The following SLC30A5 variants were observed in gnomAD, a reference collection of about 807,000 sequenced individuals.
The protein encoded by SLC30A5 is proton-coupled zinc antiporter SLC30A5.
In SLC30A5, 33 loss-of-function variants were observed where a neutral mutation model predicts 79.6. The observed-to-expected ratio is 0.41, with a 90% CI of 0.31 to 0.55. SLC30A5 has a LOEUF of 0.55. Ranked by LOEUF, SLC30A5 falls within the 20% of genes least tolerant of loss-of-function variation. The pLI is 0.20. For synonymous variants in SLC30A5, 299 were observed against 319.7 expected, an observed-to-expected ratio of 0.94 and a Z score of 0.69; for missense variants, 788 against 928.1, an observed-to-expected ratio of 0.85 and a Z score of 1.96.
chr5:69,123,296 A>G lies in SLC30A5; in HGVS notation c.1869A>G (p.Pro623=). 6.2e-7 allele frequency: 1 copy of G among 1,613,748 alleles called. No individual in the cohort carries two copies. ...IEQFGWFIAD[P]LCSLFIAILI... is the part of the protein sequence containing the mutation. ...AGTTTGGATGGTTCATCGCTGACCC[A>G]CTCTGTTCTCTTTTTATTGCTATAT... Residue 623 remains proline, a synonymous_variant, in exon 14 of 16, where the codon CCA becomes CCG. Transcript: ENST00000396591.
At position 69,094,271 on chromosome 5, in the gene SLC30A5, GGC is replaced by G; in HGVS notation, c.18_19del (p.Asp8ArgfsTer32). ...GAGCCCCGGGATGGAGGAGAAATAC[GGC>G]GGGGACGTGCTGGCCGGCCCCGGCG... MEEKY[G>X]GDVLAGPGGG... On this transcript the variant is annotated frameshift_variant, in exon 1 of 16. Transcript: ENST00000396591. LOFTEE classifies it high-confidence loss of function. 7.9e-7 allele frequency: 1 copy of G among 1,260,176 alleles called. No individual in the cohort carries two copies. The highest frequency in any genetic ancestry group is 3.5e-5 in the South Asian group (1 of 28,432). The allele number at this position is 1,260,176 out of a possible 1,614,324, so 78.1% of individuals were successfully genotyped here. A position where few individuals can be genotyped will look rare whatever the true frequency, so the allele number is the denominator to read the frequency against.
intron 14 of SLC30A5, among the ~76,000 whole-genome samples, chr5:69,124,112 C>CA (rs1235473113): frequency 0.23 from 21,412 of 94,536 alleles, 2,813 homozygotes; most frequent in Middle Eastern, 0.29. Flanking sequence ...GACTCCACCT[C>CA]AAAAAAAAAA....
At chr5:69,109,952 C>T (rs1226180498) in intron 5 of SLC30A5, among the ~76,000 whole-genome samples, 2 of 152,136 alleles carry the variant, frequency 1.3e-5, no homozygotes, top group Non-Finnish European at 2.9e-5. Context: ...GACAAGCTGG[C>T]ACTGCGGGCA....
At chr5:69,114,093 G>A (rs943617645) in intron 6 of SLC30A5, among the ~76,000 whole-genome samples, 2 of 152,148 alleles carry the variant, frequency 1.3e-5, no homozygotes, top group African/African-American at 4.8e-5. Flanking sequence ...TTGTACCTTT[G>A]TCGTTCTTAA....
At chr5:69,119,215 C>T (rs1413167511) in intron 12 of SLC30A5, among the ~76,000 whole-genome samples, 1 of 151,954 alleles carries the variant, frequency 6.6e-6, no homozygotes, top group Admixed American at 6.6e-5. Flanking sequence ...CAAGATTTTG[C>T]TTATGTGAAA....
At chr5:69,098,938 C>A in intron 1 of SLC30A5, among the ~76,000 whole-genome samples, 1 of 152,140 alleles carries the variant, frequency 6.6e-6, no homozygotes, top group East Asian at 1.9e-4. Context: ...AAAATACCCA[C>A]AATTAAAGGA....
intron 12 of SLC30A5, 130 bp from the exon 13 acceptor site, chr5:69,121,564 T>C: frequency 1.6e-6 from 1 of 622,972 alleles, no homozygotes; most frequent in Non-Finnish European, 2.6e-6. Context: ...TACTGAAACT[T>C]AGTAAGGTTT....
chr5:69,116,667 G>A lies in SLC30A5; in HGVS notation c.1281+65G>A. 1 of 1,179,498 alleles carries A rather than the reference G, an allele frequency of 8.5e-7. No individual in the cohort carries two copies. The highest frequency in any genetic ancestry group is 1.1e-6 in the Non-Finnish European group (1 of 876,408). The allele number at this position is 1,179,498 out of a possible 1,614,324, so 73.1% of individuals were successfully genotyped here. On this transcript the variant is annotated intron_variant, in intron 10 of 15. Coordinates refer to ENST00000396591, the MANE Select transcript of SLC30A5 (RefSeq NM_022902.5). The surrounding 1 kb of genome is among the most constrained non-coding windows in gnomAD (Gnocchi z 4.0). ...TAATATTTTAATTTTGACAGTTCTGGTATAAGTTTAGTACTTCCCAAATTT... is the reference window on the plus strand; with the variant it reads ...TAATATTTTAATTTTGACAGTTCTGATATAAGTTTAGTACTTCCCAAATTT...
chr5:69,100,939 G>GA lies in SLC30A5; in HGVS notation c.206+10_206+11insA. On this transcript the variant is annotated intron_variant, in intron 2 of 15. Coordinates refer to ENST00000396591, the MANE Select transcript of SLC30A5 (RefSeq NM_022902.5). ...TTATATTAAAACTTGGGTGAGTGTG[G>GA]GGGGGGGTTTTTTCTTGATATTTTT... The GA allele has an allele frequency of 6.6e-7, 1 of 1,514,094 alleles. No homozygotes were observed. 93.8% of individuals were successfully genotyped at this position (1,514,094 alleles called of 1,614,324 possible).
At chr5:69,095,971 A>G (rs1278683595) in intron 1 of SLC30A5, among the ~76,000 whole-genome samples, 6 of 151,802 alleles carry the variant, frequency 4.0e-5, no homozygotes, top group Admixed American at 3.9e-4. Context: ...CAGGAAGTTG[A>G]GGCAGGAGAA....
Position 69,123,527 on chromosome 5 carries a change from C to T in SLC30A5, c.1998+102C>T, listed in dbSNP as rs538688315. The T allele has an allele frequency of 2.9e-4, 244 of 849,560 alleles. 2 individuals are homozygous for T. Among genetic ancestry groups the T allele is most frequent in the Middle Eastern group, 2.5e-3 (11 of 4,402 alleles). The allele number at this position is 849,560 out of a possible 1,614,324, so 52.6% of individuals were successfully genotyped here. A position where few individuals can be genotyped will look rare whatever the true frequency, so the allele number is the denominator to read the frequency against. On this transcript the variant is annotated intron_variant, in intron 14 of 15. Transcript: ENST00000396591. ...CAACCAAATAAATAATAAAACAAAA[C>T]GAGGCCAAAAAAGAAATATAAAGTA...
chr5:69,107,589 A>G (rs1473031707), intron 4 of SLC30A5, among the ~76,000 whole-genome samples: 1 of 152,188 alleles, frequency 6.6e-6, no homozygotes, highest in Non-Finnish European at 1.5e-5. Context: ...CACCAGCATC[A>G]CCAGAAACAC....
At chr5:69,101,121 G>T (rs76344378) in intron 2 of SLC30A5, among the ~76,000 whole-genome samples, 192 bp downstream of exon 2, 2 of 152,058 alleles carry the variant, frequency 1.3e-5, no homozygotes, top group Non-Finnish European at 2.9e-5. Flanking sequence ...ACGGATTGTT[G>T]TGCTCTAATC....
chr5:69,108,499 G>A lies in SLC30A5; in HGVS notation c.447+63G>A, dbSNP rs1746146016. 1.0e-5 allele frequency: 12 copies of A among 1,204,578 alleles called. No homozygotes were observed. The South Asian group carries it at 1.5e-4, about 15-fold the overall frequency. The allele number at this position is 1,204,578 out of a possible 1,614,324, so 74.6% of individuals were successfully genotyped here. A position where few individuals can be genotyped will look rare whatever the true frequency, so the allele number is the denominator to read the frequency against. On this transcript the variant is annotated intron_variant, in intron 5 of 15. Coordinates refer to ENST00000396591, the MANE Select transcript of SLC30A5 (RefSeq NM_022902.5). ...GTATGTATGTCACATATTATCCAAA[G>A]GAATAAAATCTTATCTTTCACCATT... is the stretch of plus-strand genomic sequence containing the variant.
chr5:69,122,257 C>T (rs763219171), intron 13 of SLC30A5, among the ~76,000 whole-genome samples: 76 of 152,192 alleles, frequency 5.0e-4, no homozygotes, highest in Non-Finnish European at 8.7e-4. Flanking sequence ...ATTAGCCGGA[C>T]ATGGTGGCAG....
Position 69,113,120 on chromosome 5 carries a change from G to A in SLC30A5, c.448-20G>A. 6.3e-7 allele frequency: 1 copy of A among 1,599,764 alleles called. No homozygotes were observed. The highest frequency in any genetic ancestry group is 8.5e-7 in the Non-Finnish European group (1 of 1,170,230). ...AACCCTTGAAAAAGTCATCCTTGAT[G>A]TTGTTTTCTTTATTTTCAGACAAGG... On this transcript the variant is annotated intron_variant, in intron 5 of 15. Coordinates refer to ENST00000396591, the MANE Select transcript of SLC30A5 (RefSeq NM_022902.5).
At chr5:69,099,934 A>G (rs967986207) in intron 1 of SLC30A5, among the ~76,000 whole-genome samples, 3 of 152,200 alleles carry the variant, frequency 2.0e-5, no homozygotes, top group African/African-American at 7.2e-5. Context: ...ATATACATTG[A>G]AAAGAAACCA....
intron 12 of SLC30A5, among the ~76,000 whole-genome samples, chr5:69,121,133 C>T (rs1746523236): frequency 6.6e-6 from 1 of 152,014 alleles, no homozygotes; most frequent in South Asian, 2.1e-4. Context: ...CCTGTCTCTA[C>T]CAAAGAAAAA....
chr5:69,111,657 T>G (rs928231195), intron 5 of SLC30A5, among the ~76,000 whole-genome samples: 3 of 152,226 alleles, frequency 2.0e-5, no homozygotes, highest in African/African-American at 7.2e-5. Context: ...TTGCCTTCTT[T>G]GTTAACAAAA....
Sources: allele counts gnomAD v4.1 joint callset (sites outside exome capture counted in the v4.1 genomes callset), GRCh38; gene constraint gnomAD v4.1.1; non-coding constraint Gnocchi (gnomAD v3.1); transcripts MANE v1.5; gene names NCBI Gene and HGNC (gene_info 2026-07-23, HGNC 2026-07-21).